The following PARP12 variants were observed in gnomAD, a reference collection of about 807,000 sequenced individuals.
PARP12 encodes protein mono-ADP-ribosyltransferase PARP12.
A neutral mutation model predicts 72.4 loss-of-function variants in PARP12; 59 were observed. The observed-to-expected ratio is 0.81, with a 90% CI of 0.66 to 1.01. PARP12 has a LOEUF of 1.01. Ranked by LOEUF, PARP12 falls within the 50% of genes least tolerant of loss-of-function variation. The pLI, the probability that PARP12 is intolerant of heterozygous loss-of-function variation, is 0.00. For missense variants in PARP12, 851 were observed against 914.0 expected (o/e 0.93, Z 0.89); for synonymous variants, 403 against 371.4 (o/e 1.09, Z -0.98).
In PARP12 at chr7:140,062,933, G is replaced by A; in HGVS notation, c.-86C>T. On this transcript the variant is annotated 5_prime_UTR_variant, in exon 1 of 12. Transcript: ENST00000263549. ...GGCTGGCGGGCGGCTCTCGCAGGGT[G>A]GAGACGCCGGCGGGAAACGAAACCG... The A allele has an allele frequency of 9.1e-7, 1 of 1,099,066 alleles. No homozygotes were observed. Among genetic ancestry groups the A allele is most frequent in the Non-Finnish European group, 1.1e-6 (1 of 877,452 alleles). 68.1% of individuals were successfully genotyped at this position (1,099,066 alleles called of 1,614,324 possible). A position where few individuals can be genotyped will look rare whatever the true frequency, so the allele number is the denominator to read the frequency against.
At chr7:140,038,569 T>G (rs1488362649) in intron 6 of PARP12, among the ~76,000 whole-genome samples, 2 of 152,194 alleles carry the variant, frequency 1.3e-5, no homozygotes, top group Non-Finnish European at 2.9e-5. Flanking sequence ...GCTGGAGAAA[T>G]CATTTAAATA....
At chr7:140,032,795 G>A (rs1455868140) in intron 8 of PARP12, among the ~76,000 whole-genome samples, 2 of 152,048 alleles carry the variant, frequency 1.3e-5, no homozygotes, top group Non-Finnish European at 2.9e-5. Flanking sequence ...TTTTTGCAAA[G>A]AGAAACATAA....
intron 4 of PARP12, among the ~76,000 whole-genome samples, chr7:140,053,253 A>C (rs1817034497): frequency 6.6e-6 from 1 of 152,222 alleles, no homozygotes; most frequent in African/African-American, 2.4e-5. Context: ...ATGGAATACT[A>C]CTGTGCAATA....
At position 140,024,514 on chromosome 7, in the gene PARP12, C is replaced by A; in HGVS notation, c.*46G>T. 4 of 1,592,064 alleles carry A rather than the reference C, an allele frequency of 2.5e-6. No homozygotes were observed. Among genetic ancestry groups the A allele is most frequent in the Non-Finnish European group, 3.4e-6 (4 of 1,161,628 alleles). On this transcript the variant is annotated 3_prime_UTR_variant, in exon 12 of 12. Transcript: ENST00000263549. Reference sequence around the variant, plus strand: ...AAAGAAAAGGAAAGGCCCAAATAGCCATTTCAAGGCAGAGCAGGTGAAAGG... The same window carrying A: ...AAAGAAAAGGAAAGGCCCAAATAGCAATTTCAAGGCAGAGCAGGTGAAAGG...
intron 5 of PARP12, 72 bp from the exon 6 acceptor site, chr7:140,041,911 C>T: frequency 2.3e-6 from 3 of 1,304,836 alleles, no homozygotes; most frequent in Non-Finnish European, 3.2e-6. Flanking sequence ...AGCTTGAGAA[C>T]ATATAGCTGG....
At chr7:140,036,934 A>C (rs180709793) in intron 7 of PARP12, among the ~76,000 whole-genome samples, 18 of 152,204 alleles carry the variant, frequency 1.2e-4, no homozygotes, top group Non-Finnish European at 5.9e-5. Context: ...GCCTCAGGAC[A>C]CCATGAGTGC....
rs10252898 is a variant in PARP12 at position 140,058,111 on chromosome 7, C to T, written c.327-77G>A. Reference sequence around the variant, plus strand: ...TTCTATGTTGGAGTCCTAACTCCCACGACCTCAGGATATGGCTCTATTTGG... The same window carrying T: ...TTCTATGTTGGAGTCCTAACTCCCATGACCTCAGGATATGGCTCTATTTGG... On this transcript the variant is annotated intron_variant, in intron 1 of 11. Coordinates refer to ENST00000263549, the MANE Select transcript of PARP12 (RefSeq NM_022750.4). 170 of 1,504,462 alleles carry T rather than the reference C, an allele frequency of 1.1e-4. No individual in the cohort carries two copies. The East Asian group carries it at 3.4e-3, about 30-fold the overall frequency. 93.2% of individuals were successfully genotyped at this position (1,504,462 alleles called of 1,614,324 possible).
At position 140,056,886 on chromosome 7, in the gene PARP12, G is replaced by A. The variant is rs1268874950; in HGVS notation, c.730C>T (p.Pro244Ser). 3.1e-6 allele frequency: 5 copies of A among 1,610,716 alleles called. No homozygotes were observed. Among genetic ancestry groups the A allele is most frequent in the South Asian group, 1.1e-5 (1 of 90,790 alleles). ...KNKSSAPSRV[P>S]PLFVPQGTSE... ...GTCCCCTGTGGGACAAAAAGAGGAG[G>A]CACTCTGCTGGGGGCAGAGCTCTTA... is the stretch of plus-strand genomic sequence containing the variant. Residue 244 changes from proline (P) to serine (S), a missense_variant, in exon 3 of 12, where the codon CCT becomes TCT. Coordinates refer to ENST00000263549, the MANE Select transcript of PARP12 (RefSeq NM_022750.4).
chr7:140,031,091 C>T (rs1348407851), intron 8 of PARP12, among the ~76,000 whole-genome samples: 3 of 152,068 alleles, frequency 2.0e-5, no homozygotes, highest in Admixed American at 2.0e-4. Context: ...TAGTTTCTAC[C>T]ATAGCCTTTA....
Position 140,062,791 on chromosome 7 carries a change from G to GC in PARP12, c.56dup (p.Ala20ArgfsTer94). 1 of 1,409,456 alleles carries GC rather than the reference G, an allele frequency of 7.1e-7. No individual in the cohort carries two copies. The highest frequency in any genetic ancestry group is 9.3e-7 in the Non-Finnish European group (1 of 1,078,840). 87.3% of individuals were successfully genotyped at this position (1,409,456 alleles called of 1,614,324 possible). On this transcript the variant is annotated frameshift_variant, in exon 1 of 12. Coordinates refer to ENST00000263549, the MANE Select transcript of PARP12 (RefSeq NM_022750.4). LOFTEE classifies it high-confidence loss of function. ...GCCGCAGCTCGGGCAACTCCAGGGC[G>GC]CCCCCGGCCGCGCACAGCACCTGGG...
At chr7:140,061,072 G>A (rs1219129867) in intron 1 of PARP12, among the ~76,000 whole-genome samples, 2 of 152,172 alleles carry the variant, frequency 1.3e-5, no homozygotes, top group South Asian at 2.1e-4. Context: ...ACCGTCACCA[G>A]CTATCCCAAA....
In PARP12 at chr7:140,026,143, T is replaced by C. The variant is rs111381318; in HGVS notation, c.1780+54A>G. 1.3e-3 allele frequency: 2,050 copies of C among 1,613,700 alleles called. 15 individuals are homozygous for C. In the African/African-American group the frequency reaches 0.024, roughly 19 times the overall value. On this transcript the variant is annotated intron_variant, in intron 11 of 11. Transcript: ENST00000263549. The stretch of plus-strand genomic sequence containing the variant: ...CTCATGCCCTCTAGCAGTCTGTTCC[T>C]ATGCAGGGGCAAAGCAACATGGGTT...
chr7:140,058,054 G>C lies in PARP12; in HGVS notation c.327-20C>G. ...TTCTTCCTGCAAAGAAGCAGAGCTG[G>C]TGTTATATGTCGAATTGAGTCTCCT... On this transcript the variant is annotated intron_variant, in intron 1 of 11. Transcript: ENST00000263549. 1 of 1,613,976 alleles carries C rather than the reference G, an allele frequency of 6.2e-7. No homozygotes were observed. Among genetic ancestry groups the C allele is most frequent in the African/African-American group, 1.3e-5 (1 of 75,046 alleles).
chr7:140,034,036 G>A, intron 8 of PARP12, 199 bp downstream of exon 8: 2 of 1,228,252 alleles, frequency 1.6e-6, no homozygotes, highest in African/African-American at 1.6e-5. Flanking sequence ...TTCTAATTAT[G>A]CATCACGAAG....
intron 3 of PARP12, among the ~76,000 whole-genome samples, chr7:140,056,146 C>A (rs1033835990): frequency 6.6e-6 from 1 of 152,206 alleles, no homozygotes; most frequent in Admixed American, 6.5e-5. Flanking sequence ...CCTGACAGAC[C>A]ACATTATTCA....
rs750329306 is a variant in PARP12, at chr7:140,037,759, A to C, written c.1280T>G (p.Leu427Trp). 1.9e-6 allele frequency: 3 copies of C among 1,614,152 alleles called. No homozygotes were observed. The highest frequency in any genetic ancestry group is 2.5e-6 in the Non-Finnish European group (3 of 1,179,994). The part of the protein sequence containing the change: ...TPGSDGQAAT[L>W]KFQAGKHNYE... ...GTTGTGCTTTCCGGCCTGGAACTTCAAGGTGGCTGCCTGGCCGTCAGACCC... is the reference window on the plus strand; with the variant it reads ...GTTGTGCTTTCCGGCCTGGAACTTCCAGGTGGCTGCCTGGCCGTCAGACCC... Residue 427 changes from leucine to tryptophan, a missense_variant, in exon 7 of 12, where the codon TTG (leucine) becomes TGG (tryptophan). This residue lies in a region of PARP12 where 347 missense variants were observed against 396.1 expected (regional missense o/e 0.88). Coordinates refer to ENST00000263549, the MANE Select transcript of PARP12 (RefSeq NM_022750.4).
chr7:140,042,239 T>C (rs1816507167), intron 5 of PARP12, among the ~76,000 whole-genome samples: 1 of 152,238 alleles, frequency 6.6e-6, no homozygotes, highest in Admixed American at 6.5e-5. Flanking sequence ...GGCGATGACA[T>C]TTTCACAACC....
intron 4 of PARP12, among the ~76,000 whole-genome samples, chr7:140,050,290 T>C (rs535933530): frequency 6.6e-6 from 1 of 152,168 alleles, no homozygotes. Context: ...TGGGAGCCCC[T>C]GGCAGAGGCA....
At chr7:140,061,278 C>G (rs1402295955) in intron 1 of PARP12, among the ~76,000 whole-genome samples, 1 of 152,196 alleles carries the variant, frequency 6.6e-6, no homozygotes, top group Non-Finnish European at 1.5e-5. Context: ...TCTTTTCGAT[C>G]AGCCCCCTCG....
Sources: allele counts gnomAD v4.1 joint callset (sites outside exome capture counted in the v4.1 genomes callset), GRCh38; gene constraint gnomAD v4.1.1; regional missense constraint gnomAD v4.1.1; transcripts MANE v1.5; gene names NCBI Gene and HGNC (gene_info 2026-07-23, HGNC 2026-07-21).